The following ALAD variants were observed in gnomAD, a reference collection of about 807,000 sequenced individuals.
The protein encoded by ALAD is aminolevulinate dehydratase, also known as delta-aminolevulinic acid dehydratase.
A neutral mutation model predicts 44.4 loss-of-function variants in ALAD; 20 were observed. The observed-to-expected ratio is 0.45, with a 90% CI of 0.32 to 0.65. The LOEUF (loss-of-function observed/expected upper bound fraction) is 0.65. Ranked by LOEUF, ALAD falls within the 30% of genes least tolerant of loss-of-function variation. The probability of loss-of-function intolerance (pLI) is 0.05; values close to 1 mark genes in which losing one functional copy is unlikely to be tolerated. For missense variants in ALAD, 323 were observed against 445.7 expected (o/e 0.72, Z 2.48); for synonymous variants, 156 against 167.9 (o/e 0.93, Z 0.55).
At chr9:113,396,172 G>A (rs1827720058) in intron 1 of ALAD, 1 of 152,052 alleles carries the variant, frequency 6.6e-6, no homozygotes, top group East Asian at 1.9e-4. Flanking sequence ...CTCCAGCATG[G>A]GCAACAAGAG....
rs1827411825 is a variant in ALAD at position 113,386,974 on chromosome 9, T to C, written c.*1326A>G. ...CATTCCCCTTTCTCCATCCCCACTGTCCCCGCTCCAGTCCATGCCATCAAG... is the reference window on the plus strand; with the variant it reads ...CATTCCCCTTTCTCCATCCCCACTGCCCCCGCTCCAGTCCATGCCATCAAG... On this transcript the variant is annotated 3_prime_UTR_variant, in exon 12 of 12. Transcript: ENST00000409155. 1.3e-5 allele frequency: 2 copies of C among 152,232 alleles called. No individual in the cohort carries two copies. Among genetic ancestry groups the C allele is most frequent in the Non-Finnish European group, 1.5e-5 (1 of 68,080 alleles). The allele number at this position is 152,232 out of a possible 1,614,324, so 9.4% of individuals were successfully genotyped here. A position where few individuals can be genotyped will look rare whatever the true frequency, so the allele number is the denominator to read the frequency against.
At chr9:113,400,099 G>A (rs1211413649) in intron 1 of ALAD, among the ~76,000 whole-genome samples, 1 of 152,314 alleles carries the variant, frequency 6.6e-6, no homozygotes, top group East Asian at 1.9e-4. Flanking sequence ...CGTAGGAGAA[G>A]CTGCCATTCC....
rs1386953651 is a variant in ALAD at position 113,386,726 on chromosome 9, C to T, written c.*1574G>A. On this transcript the variant is annotated 3_prime_UTR_variant, in exon 12 of 12. Coordinates refer to ENST00000409155, the MANE Select transcript of ALAD (RefSeq NM_000031.6). ...GTGCAGTTCTAATCCAGTTCTGCCACAAACTTGTTGAGTGGCCTTAGGTGA... is the reference window on the plus strand; with the variant it reads ...GTGCAGTTCTAATCCAGTTCTGCCATAAACTTGTTGAGTGGCCTTAGGTGA... 1 of 152,222 alleles carries T rather than the reference C, an allele frequency of 6.6e-6. No homozygotes were observed. Among genetic ancestry groups the T allele is most frequent in the Admixed American group, 6.5e-5 (1 of 15,278 alleles). The allele number at this position is 152,222 out of a possible 1,614,324, so 9.4% of individuals were successfully genotyped here.
chr9:113,398,451 TG>T (rs1827786353), intron 1 of ALAD, among the ~76,000 whole-genome samples: 3 of 152,186 alleles, frequency 2.0e-5, no homozygotes, highest in Non-Finnish European at 4.4e-5. Flanking sequence ...AACTGGCTCC[TG>T]CTTAGCAGAA....
intron 2 of ALAD, 58 bp downstream of exon 2, chr9:113,393,389 T>TCCCCAACC: frequency 7.9e-7 from 1 of 1,271,496 alleles, no homozygotes; most frequent in Non-Finnish European, 1.2e-6. Flanking sequence ...CAACACTCCC[T>TCCCCAACC]CCCCAACCCC....
intron 2 of ALAD, chr9:113,392,478 T>A: frequency 1.8e-6 from 1 of 553,520 alleles, no homozygotes; most frequent in Admixed American, 4.0e-5. Flanking sequence ...CCCAGCCACT[T>A]ACTGCCTGGG....
chr9:113,393,939 ATTCTC>A (rs1827663081), intron 1 of ALAD, among the ~76,000 whole-genome samples: 1 of 151,152 alleles, frequency 6.6e-6, no homozygotes, highest in Admixed American at 6.6e-5. Context: ...TTTAAAAAAA[ATTCTC>A]TTCTTTTTTT....
Position 113,390,956 on chromosome 9 carries a change from G to A in ALAD, c.262-23C>T, listed in dbSNP as rs373762199. ...GTCCTAGGGGCAGGGGAGGGACAAAGCAGTGTGTCTATTACATGTAGCTTT... is the reference window on the plus strand; with the variant it reads ...GTCCTAGGGGCAGGGGAGGGACAAAACAGTGTGTCTATTACATGTAGCTTT... On this transcript the variant is annotated intron_variant, in intron 4 of 11. Coordinates refer to ENST00000409155, the MANE Select transcript of ALAD (RefSeq NM_000031.6). 27 of 1,613,738 alleles carry A rather than the reference G, an allele frequency of 1.7e-5. No homozygotes were observed. The African/African-American group carries it at 3.5e-4, about 21-fold the overall frequency.
chr9:113,392,916 C>G (rs1827634492), intron 2 of ALAD, among the ~76,000 whole-genome samples: 1 of 145,406 alleles, frequency 6.9e-6, no homozygotes, highest in African/African-American at 2.6e-5. Context: ...CTCCCGGGTT[C>G]ACGCCATTCT....
chr9:113,389,185 A>G, intron 10 of ALAD, 79 bp from the exon 11 acceptor site: 1 of 1,578,592 alleles, frequency 6.3e-7, no homozygotes, highest in African/African-American at 1.3e-5. Flanking sequence ...CCCCTGCTCA[A>G]TCTGTGACCA....
Position 113,387,888 on chromosome 9 carries a change from T to C in ALAD, c.*412A>G. Reference sequence around the variant, plus strand: ...TAGGCCTCATTCCCACACCCAGCTCTGCTGCCAGAAGCGTTCCAAGGCTTC... The same window carrying C: ...TAGGCCTCATTCCCACACCCAGCTCCGCTGCCAGAAGCGTTCCAAGGCTTC... On this transcript the variant is annotated 3_prime_UTR_variant, in exon 12 of 12. Coordinates refer to ENST00000409155, the MANE Select transcript of ALAD (RefSeq NM_000031.6). 3.3e-6 allele frequency: 1 copy of C among 300,986 alleles called. No individual in the cohort carries two copies. Among genetic ancestry groups the C allele is most frequent in the South Asian group, 3.2e-5 (1 of 31,036 alleles). 18.6% of individuals were successfully genotyped at this position (300,986 alleles called of 1,614,324 possible). A position where few individuals can be genotyped will look rare whatever the true frequency, so the allele number is the denominator to read the frequency against.
chr9:113,388,748 G>A (rs1005150392), intron 11 of ALAD, among the ~76,000 whole-genome samples: 5 of 152,190 alleles, frequency 3.3e-5, no homozygotes, highest in African/African-American at 9.6e-5. Context: ...GAGGTTCAGA[G>A]AAGTGGCTTG....
intron 1 of ALAD, among the ~76,000 whole-genome samples, chr9:113,397,688 G>A (rs1827768982): frequency 7.2e-6 from 1 of 138,322 alleles, no homozygotes; most frequent in South Asian, 2.2e-4. Flanking sequence ...GCAGTGGTTC[G>A]ATCTCGGCTC....
At position 113,388,381 on chromosome 9, in the gene ALAD, G is replaced by C. The variant is rs1827466872; in HGVS notation, c.932-20C>G. 6.2e-7 allele frequency: 1 copy of C among 1,613,192 alleles called. No individual in the cohort carries two copies. Among genetic ancestry groups the C allele is most frequent in the African/African-American group, 1.3e-5 (1 of 74,894 alleles). On this transcript the variant is annotated intron_variant, in intron 11 of 11. Transcript: ENST00000409155. ...CAGCACCTGTGTTGGGAGAGATGCA[G>C]AAAGTTGCTGGGGGGACGCTGATCA... is the stretch of plus-strand genomic sequence containing the variant.
intron 1 of ALAD, among the ~76,000 whole-genome samples, chr9:113,398,509 G>C (rs1048400428): frequency 6.6e-6 from 1 of 152,202 alleles, no homozygotes; most frequent in Non-Finnish European, 1.5e-5. Context: ...GGCAGGGTTA[G>C]AGTAAAGGGA....
In ALAD at chr9:113,387,918, G is replaced by T. The variant is rs985333383; in HGVS notation, c.*382C>A. The T allele has an allele frequency of 3.2e-6, 1 of 316,598 alleles. No homozygotes were observed. Among genetic ancestry groups the T allele is most frequent in the Admixed American group, 4.0e-5 (1 of 24,866 alleles). The allele number at this position is 316,598 out of a possible 1,614,324, so 19.6% of individuals were successfully genotyped here. A position where few individuals can be genotyped will look rare whatever the true frequency, so the allele number is the denominator to read the frequency against. ...CCAGAAGCGTTCCAAGGCTTCTCAG[G>T]CCCCAAGATCCCACTGCTCTCTTCT... On this transcript the variant is annotated 3_prime_UTR_variant, in exon 12 of 12. Coordinates refer to ENST00000409155, the MANE Select transcript of ALAD (RefSeq NM_000031.6).
chr9:113,393,406 A>C, intron 2 of ALAD, 41 bp downstream of exon 2: 20 of 1,448,620 alleles, frequency 1.4e-5, no homozygotes, highest in Non-Finnish European at 1.8e-5. Flanking sequence ...CCCCAACCCC[A>C]ACCAGCAGAG....
At chr9:113,396,428 T>G (rs1243218625) in intron 1 of ALAD, 3 of 149,988 alleles carry the variant, frequency 2.0e-5, no homozygotes, top group Non-Finnish European at 4.4e-5. Context: ...GGCGTTGAAC[T>G]TGGTTTTGCA....
At chr9:113,388,405 C>G (rs1271106898) in intron 11 of ALAD, 44 bp from the exon 12 acceptor site, 1 of 1,581,514 alleles carries the variant, frequency 6.3e-7, no homozygotes, top group African/African-American at 1.3e-5. Context: ...GGACGCTGAT[C>G]AGCTCTGAGC....
Sources: allele counts gnomAD v4.1 joint callset (sites outside exome capture counted in the v4.1 genomes callset), GRCh38; gene constraint gnomAD v4.1.1; transcripts MANE v1.5; gene names NCBI Gene and HGNC (gene_info 2026-07-23, HGNC 2026-07-21).